The following DHRSX variants were observed in gnomAD, a reference collection of about 807,000 sequenced individuals.
The protein encoded by DHRSX is polyprenol dehydrogenase.
Under a neutral mutation model 34.0 loss-of-function variants are expected in DHRSX, and 31 were observed. The observed-to-expected ratio is 0.91, with a 90% CI of 0.69 to 1.23. DHRSX has a LOEUF of 1.23. Among genes scored for constraint, DHRSX ranks in the 50% most tolerant of loss-of-function variants. DHRSX has a pLI of 0.00. For missense variants in DHRSX, 414 were observed against 428.1 expected (o/e 0.97, Z 0.29); for synonymous variants, 201 against 183.8 (o/e 1.09, Z -0.76).
intron 1 of DHRSX, among the ~76,000 whole-genome samples, chrX:2,492,616 T>C (rs746446264): frequency 2.0e-5 from 3 of 151,636 alleles, no homozygotes; most frequent in African/African-American, 7.3e-5. Flanking sequence ...CAGTGACAGA[T>C]GTCCTTATAA....
chrX:2,324,454 C>A (rs1602944830), intron 3 of DHRSX, among the ~76,000 whole-genome samples: 1 of 152,300 alleles, frequency 6.6e-6, no homozygotes, highest in East Asian at 1.9e-4. Flanking sequence ...AAACACTAAA[C>A]CTCTTTCCAA....
At chrX:2,267,603 A>G (rs2041492512) in intron 4 of DHRSX, among the ~76,000 whole-genome samples, 1 of 151,904 alleles carries the variant, frequency 6.6e-6, no homozygotes, top group Non-Finnish European at 1.5e-5. Flanking sequence ...CAACACACAC[A>G]AGAGAGTGAG....
intron 5 of DHRSX, among the ~76,000 whole-genome samples, chrX:2,257,392 G>A (rs144844306): frequency 0.02 from 3,081 of 152,276 alleles, 100 homozygotes; most frequent in African/African-American, 0.069. Context: ...ACAATAATTC[G>A]GGGAACACAC....
At chrX:2,403,856 CAA>C (rs529721291) in intron 3 of DHRSX, among the ~76,000 whole-genome samples, 32 of 90,086 alleles carry the variant, frequency 3.6e-4, no homozygotes, top group African/African-American at 3.0e-4. Flanking sequence ...AACTCTGTCT[CAA>C]AAAAAAAAAA....
At chrX:2,366,058 T>C (rs1342547023) in intron 3 of DHRSX, among the ~76,000 whole-genome samples, 4 of 152,156 alleles carry the variant, frequency 2.6e-5, no homozygotes, top group Non-Finnish European at 5.9e-5. Flanking sequence ...ACACGGCCAA[T>C]TTATCACAAA....
intron 1 of DHRSX, among the ~76,000 whole-genome samples, chrX:2,463,545 T>C (rs1384314150): frequency 1.1e-5 from 1 of 87,930 alleles, no homozygotes; most frequent in African/African-American, 4.4e-5. Context: ...CTGATCTGGG[T>C]GGGGGTGGGG....
At chrX:2,377,742 C>CTT (rs745465210) in intron 3 of DHRSX, among the ~76,000 whole-genome samples, 5 of 144,680 alleles carry the variant, frequency 3.5e-5, no homozygotes, top group Middle Eastern at 3.6e-3. Flanking sequence ...GCACACAATA[C>CTT]TTTTTTTTTT....
At chrX:2,493,700 C>T (rs1210782040) in intron 1 of DHRSX, among the ~76,000 whole-genome samples, 13 of 152,178 alleles carry the variant, frequency 8.5e-5, no homozygotes, top group East Asian at 3.9e-4. Flanking sequence ...CCAGGCACAG[C>T]GGCTCACGCC....
chrX:2,440,296 G>C (rs985367470), intron 1 of DHRSX, among the ~76,000 whole-genome samples: 2 of 150,122 alleles, frequency 1.3e-5, no homozygotes, highest in Non-Finnish European at 3.0e-5. Context: ...AACTTCCCAG[G>C]CTCAACCAAA....
Position 2,473,148 on chromosome X carries a change from G to C in DHRSX, c.109+27669C>G, listed in dbSNP as rs189778649. Among the ~76,000 whole-genome samples the C allele has an allele frequency of 4.9e-3, 482 of 98,446 alleles. 1 individual carries two copies. The highest frequency in any genetic ancestry group is 0.025 in the African/African-American group (383 of 15,590). The allele number at this position is 98,446 out of a possible 152,430, so 64.6% of individuals were successfully genotyped here. ...AACGTGGCACAGTCAGCTCGCCACA[G>C]GGGTGACCCCAGAAACAAGAGACAG... On this transcript the variant is annotated intron_variant, in intron 1 of 6. Transcript: ENST00000334651.
chrX:2,365,743 C>T (rs1054857913), intron 3 of DHRSX, among the ~76,000 whole-genome samples: 1 of 152,000 alleles, frequency 6.6e-6, no homozygotes, highest in Admixed American at 6.6e-5. Flanking sequence ...AGGGTGACTG[C>T]CTTTGGTGAG....
At chrX:2,234,310 C>T (rs1275706489) in intron 6 of DHRSX, among the ~76,000 whole-genome samples, 6 of 149,246 alleles carry the variant, frequency 4.0e-5, no homozygotes, top group Non-Finnish European at 1.5e-5. Flanking sequence ...ATATCTCCCT[C>T]CCTGCCTTCA....
At chrX:2,415,046 C>T (rs1356013216) in intron 2 of DHRSX, among the ~76,000 whole-genome samples, 2 of 151,890 alleles carry the variant, frequency 1.3e-5, no homozygotes, top group South Asian at 4.2e-4. Flanking sequence ...CGTGACCAAC[C>T]AAACAGATCC....
intron 1 of DHRSX, among the ~76,000 whole-genome samples, chrX:2,495,621 A>C (rs1449756911): frequency 6.6e-6 from 1 of 151,426 alleles, no homozygotes; most frequent in Non-Finnish European, 1.5e-5. Flanking sequence ...TAACAGCCAC[A>C]GCAGAGCTGA....
chrX:2,500,058 C>A (rs2045377547), intron 1 of DHRSX, among the ~76,000 whole-genome samples: 1 of 152,180 alleles, frequency 6.6e-6, no homozygotes, highest in Admixed American at 6.5e-5. Context: ...TCTGAACCTG[C>A]AAATCTAGGA....
At position 2,410,560 on chromosome X, in the gene DHRSX, C is replaced by T. The variant is rs139450991; in HGVS notation, c.218-1747G>A. 7.9e-5 allele frequency among the ~76,000 whole-genome samples: 12 copies of T among 152,142 alleles called. No individual in the cohort carries two copies. The East Asian group carries it at 1.3e-3, about 17-fold the overall frequency. On this transcript the variant is annotated intron_variant, in intron 2 of 6. Transcript: ENST00000334651. ...ATTCCTGAATACTGAGTCAACACGG[C>T]GTATTGAATTTACACACTCTAACAC... is the stretch of plus-strand genomic sequence containing the variant.
intron 1 of DHRSX, chrX:2,489,258 A>G (rs2045052144): frequency 6.2e-7 from 1 of 1,613,790 alleles, no homozygotes; most frequent in Admixed American, 1.7e-5. Flanking sequence ...TGCCGCTCGA[A>G]GGCGGAGAGG....
chrX:2,449,050 G>A (rs1315223551), intron 1 of DHRSX, among the ~76,000 whole-genome samples: 2 of 152,220 alleles, frequency 1.3e-5, no homozygotes, highest in East Asian at 3.9e-4. Flanking sequence ...TTAGCTGGGT[G>A]TGGTGGCGGG....
At position 2,219,584 on chromosome X, in the gene DHRSX, G is replaced by A. The variant is rs1256707066; in HGVS notation, c.*1457C>T. On this transcript the variant is annotated 3_prime_UTR_variant, in exon 7 of 7. Transcript: ENST00000334651. ...TATCAGGGCAACCTTCCCCATCTGGGAACAATCTAGCAGTCATGTAAGAAG... is the reference window on the plus strand; with the variant it reads ...TATCAGGGCAACCTTCCCCATCTGGAAACAATCTAGCAGTCATGTAAGAAG... 1.3e-5 allele frequency: 2 copies of A among 152,044 alleles called. No individual in the cohort carries two copies. The highest frequency in any genetic ancestry group is 4.8e-5 in the African/African-American group (2 of 41,400). The allele number at this position is 152,044 out of a possible 1,614,324, so 9.4% of individuals were successfully genotyped here.
Sources: gnomAD v4.1 joint callset for allele counts (sites outside exome capture counted in the v4.1 genomes callset) on GRCh38, gnomAD v4.1.1 for gene constraint, MANE v1.5 for transcripts, NCBI Gene and HGNC (gene_info 2026-07-23, HGNC 2026-07-21) for gene names.